Variants in PPARGC1A observed in about 807,000 individuals in gnomAD.
PPARGC1A encodes the protein peroxisome proliferator-activated receptor gamma coactivator 1-alpha.
A neutral mutation model predicts 88.7 loss-of-function variants in PPARGC1A; 25 were observed. The ratio of observed to expected loss-of-function variants is 0.28; its 90% CI spans 0.21 to 0.39. The LOEUF is 0.39. Among genes scored for constraint, PPARGC1A ranks in the 10% least tolerant of loss-of-function variants. PPARGC1A has a pLI of 1.00. For synonymous variants in PPARGC1A, 363 were observed against 355.6 expected, an observed-to-expected ratio of 1.02 and a Z score of -0.24; for missense variants, 880 against 968.7, an observed-to-expected ratio of 0.91 and a Z score of 1.22.
chr4:24,454,158 T>C, the PPARGC1A span, among the ~76,000 whole-genome samples: 4 of 151,662 alleles, frequency 2.6e-5, no homozygotes, highest in Non-Finnish European at 4.4e-5. Flanking sequence ...ATCTGCCAGA[T>C]TGATGAGCAA....
the PPARGC1A span, among the ~76,000 whole-genome samples, chr4:24,043,587 G>A: frequency 6.6e-6 from 1 of 151,948 alleles, no homozygotes; most frequent in Non-Finnish European, 1.5e-5. Flanking sequence ...TTACCTCATC[G>A]ATCGCATGTT....
chr4:24,338,091 G>T, the PPARGC1A span, among the ~76,000 whole-genome samples: 1 of 152,060 alleles, frequency 6.6e-6, no homozygotes, highest in Non-Finnish European at 1.5e-5. Flanking sequence ...TAACTGCCAG[G>T]AAACTGATGG....
chr4:24,132,290 A>G, the PPARGC1A span, among the ~76,000 whole-genome samples: 1 of 91,206 alleles, frequency 1.1e-5, no homozygotes, highest in South Asian at 2.9e-4. Flanking sequence ...GAGGCTTTCT[A>G]TATCAGAAAA....
the PPARGC1A span, among the ~76,000 whole-genome samples, chr4:24,429,978 C>A: frequency 6.6e-6 from 1 of 152,054 alleles, no homozygotes; most frequent in Admixed American, 6.5e-5. Context: ...CTGCATGTGA[C>A]TTCAGAAGAG....
At chr4:24,308,915 G>T in the PPARGC1A span, among the ~76,000 whole-genome samples, 4 of 151,822 alleles carry the variant, frequency 2.6e-5, no homozygotes, top group African/African-American at 9.7e-5. Context: ...TACAAATAGG[G>T]AAAAATCACT....
At chr4:24,372,198 G>A in the PPARGC1A span, among the ~76,000 whole-genome samples, 62 of 152,250 alleles carry the variant, frequency 4.1e-4, no homozygotes, top group African/African-American at 1.1e-3. Context: ...CCAACTTTGC[G>A]ACCTTGAGCA....
the PPARGC1A span, among the ~76,000 whole-genome samples, chr4:24,459,993 C>T: frequency 6.6e-6 from 1 of 152,146 alleles, no homozygotes; most frequent in African/African-American, 2.4e-5. Flanking sequence ...TAAAGACTGA[C>T]ATATCATAGG....
At chr4:24,277,528 C>CTG in the PPARGC1A span, among the ~76,000 whole-genome samples, 132,930 of 151,892 alleles carry the variant, frequency 0.88, 58,260 homozygotes, top group East Asian at 1. Context: ...TAGCTGCTCT[C>CTG]TGAAGGTATA....
chr4:24,228,586 C>T, the PPARGC1A span, among the ~76,000 whole-genome samples: 1 of 152,036 alleles, frequency 6.6e-6, no homozygotes, highest in Non-Finnish European at 1.5e-5. Context: ...TATCCCAAAC[C>T]TCAGCATCAA....
intron 2 of PPARGC1A, among the ~76,000 whole-genome samples, chr4:23,832,170 A>AC (rs547669994): frequency 3.7e-4 from 56 of 152,138 alleles, no homozygotes; most frequent in African/African-American, 1.1e-3. Context: ...TATACAGCAT[A>AC]CCCCCCAAAC....
At chr4:24,378,824 A>G in the PPARGC1A span, among the ~76,000 whole-genome samples, 1 of 152,164 alleles carries the variant, frequency 6.6e-6, no homozygotes, top group Non-Finnish European at 1.5e-5. Context: ...TCTCTTAGCA[A>G]CCCTCACTCT....
the PPARGC1A span, among the ~76,000 whole-genome samples, chr4:24,433,299 A>G: frequency 6.6e-6 from 1 of 152,028 alleles, no homozygotes; most frequent in Non-Finnish European, 1.5e-5. Context: ...GGAGGCTGCT[A>G]TTGGATGACT....
the PPARGC1A span, among the ~76,000 whole-genome samples, chr4:24,137,274 G>A: frequency 1.3e-5 from 2 of 151,986 alleles, no homozygotes; most frequent in African/African-American, 4.8e-5. Flanking sequence ...ACGAACCAAG[G>A]AGAAGGACCT....
chr4:24,471,464 G>A, the PPARGC1A span, among the ~76,000 whole-genome samples: 1 of 152,154 alleles, frequency 6.6e-6, no homozygotes, highest in African/African-American at 2.4e-5. The surrounding 1 kb of genome is among the most constrained non-coding windows in gnomAD (Gnocchi z 5.4). Flanking sequence ...ACAAGCGGTG[G>A]GGGCAGCAGA....
chr4:24,099,287 CAAAAAAA>C, the PPARGC1A span, among the ~76,000 whole-genome samples: 18 of 66,966 alleles, frequency 2.7e-4, no homozygotes, highest in Middle Eastern at 8.8e-3. Context: ...CTCCCTCCTG[CAAAAAAA>C]AAAAAAAAAA....
chr4:24,251,304 A>C, the PPARGC1A span, among the ~76,000 whole-genome samples: 1 of 152,136 alleles, frequency 6.6e-6, no homozygotes, highest in Non-Finnish European at 1.5e-5. Context: ...AACAATACCT[A>C]CTTCATAGAG....
the PPARGC1A span, among the ~76,000 whole-genome samples, chr4:23,952,470 A>G: frequency 6.6e-6 from 1 of 152,002 alleles, no homozygotes; most frequent in African/African-American, 2.4e-5. Context: ...CTGCCTTTCT[A>G]GAGGCATCTC....
At chr4:24,089,639 T>C in the PPARGC1A span, among the ~76,000 whole-genome samples, 1 of 151,404 alleles carries the variant, frequency 6.6e-6, no homozygotes, top group Non-Finnish European at 1.5e-5. Context: ...GCCTCCCGAG[T>C]AGCTGGGACT....
At chr4:24,121,063 C>T in the PPARGC1A span, among the ~76,000 whole-genome samples, 1 of 152,168 alleles carries the variant, frequency 6.6e-6, no homozygotes, top group African/African-American at 2.4e-5. Context: ...CCTCAGTTTC[C>T]TCATCTGAAA....
Sources: gnomAD v4.1 joint callset for allele counts (sites outside exome capture counted in the v4.1 genomes callset) on GRCh38, gnomAD v4.1.1 for gene constraint, Gnocchi (gnomAD v3.1) non-coding constraint, MANE v1.5 for transcripts, NCBI Gene and HGNC (gene_info 2026-07-23, HGNC 2026-07-21) for gene names.